The following RIMBP2 variants were observed in gnomAD, a reference collection of about 807,000 sequenced individuals.
The protein encoded by RIMBP2 is RIMS binding protein 2.
A neutral mutation model predicts 118.6 loss-of-function variants in RIMBP2; 48 were observed. The observed-to-expected ratio is 0.40, with a 90% CI of 0.32 to 0.51. The LOEUF is 0.51. Ranked by LOEUF, RIMBP2 falls within the 20% of genes least tolerant of loss-of-function variation. The pLI, the probability that RIMBP2 is intolerant of heterozygous loss-of-function variation, is 0.41. For missense variants in RIMBP2, 1,551 were observed against 1,768.3 expected (o/e 0.88, Z 2.20); for synonymous variants, 762 against 742.9 (o/e 1.03, Z -0.42).
intron 1 of RIMBP2, among the ~76,000 whole-genome samples, chr12:130,685,693 G>T (rs537019033): frequency 6.6e-6 from 1 of 152,204 alleles, no homozygotes; most frequent in Non-Finnish European, 1.5e-5. Context: ...AAGAGATCCC[G>T]CGACTCTTTA....
chr12:130,646,816 G>A (rs1199703029), intron 1 of RIMBP2, among the ~76,000 whole-genome samples: 1 of 152,202 alleles, frequency 6.6e-6, no homozygotes, highest in East Asian at 1.9e-4. Context: ...CCTGAACCAG[G>A]GCTGAGAACC....
intron 2 of RIMBP2, among the ~76,000 whole-genome samples, chr12:130,609,291 A>C (rs182838036): frequency 6.6e-6 from 1 of 152,178 alleles, no homozygotes; most frequent in Non-Finnish European, 1.5e-5. Context: ...TGTGGAATCA[A>C]CCTAAGTGTC....
At chr12:130,522,345 G>A (rs1041778763) in intron 2 of RIMBP2, among the ~76,000 whole-genome samples, 10 of 152,214 alleles carry the variant, frequency 6.6e-5, no homozygotes, top group African/African-American at 2.4e-4. Context: ...CAGGGCCAGA[G>A]GTGCTAGAGG....
chr12:130,480,080 G>A (rs540455904), intron 4 of RIMBP2, among the ~76,000 whole-genome samples: 118 of 151,950 alleles, frequency 7.8e-4, no homozygotes, highest in Non-Finnish European at 1.3e-3. Flanking sequence ...CACAGCGGGC[G>A]GGTGGGTAGT....
intron 4 of RIMBP2, among the ~76,000 whole-genome samples, chr12:130,504,903 C>G (rs1171191599): frequency 6.6e-6 from 1 of 152,218 alleles, no homozygotes; most frequent in African/African-American, 2.4e-5. Flanking sequence ...CCAAATATCC[C>G]CTGGAGGGCA....
intron 1 of RIMBP2, among the ~76,000 whole-genome samples, chr12:130,671,097 A>C (rs1249768508): frequency 6.6e-6 from 1 of 152,164 alleles, no homozygotes; most frequent in Non-Finnish European, 1.5e-5. Flanking sequence ...AGAAAAGTAG[A>C]AGGGGCTAGA....
intron 1 of RIMBP2, among the ~76,000 whole-genome samples, chr12:130,692,662 T>G (rs971161217): frequency 2.6e-5 from 4 of 152,064 alleles, no homozygotes; most frequent in African/African-American, 9.7e-5. Flanking sequence ...CATTGGATTG[T>G]GGAATCAATT....
At chr12:130,496,511 G>A (rs977757043) in intron 4 of RIMBP2, among the ~76,000 whole-genome samples, 1 of 152,256 alleles carries the variant, frequency 6.6e-6, no homozygotes, top group Admixed American at 6.5e-5. Context: ...CTGGGGTAGA[G>A]GAGGCTGCGA....
chr12:130,547,415 C>T (rs189795975), intron 2 of RIMBP2, among the ~76,000 whole-genome samples: 4 of 152,294 alleles, frequency 2.6e-5, no homozygotes, highest in East Asian at 1.9e-4. Flanking sequence ...ACACAGAGCC[C>T]GAAGGCAGCC....
intron 2 of RIMBP2, among the ~76,000 whole-genome samples, chr12:130,586,701 G>A (rs1234968635): frequency 1.5e-4 from 20 of 129,620 alleles, no homozygotes; most frequent in Middle Eastern, 3.5e-3. Context: ...AGATTTAAAC[G>A]TTAGACCTAA....
chr12:130,636,883 A>G (rs935359202), intron 1 of RIMBP2, among the ~76,000 whole-genome samples: 1 of 152,218 alleles, frequency 6.6e-6, no homozygotes, highest in Non-Finnish European at 1.5e-5. Context: ...GACTAAGTCA[A>G]TATAATTAGG....
At chr12:130,407,146 G>T (rs2075254225) in intron 20 of RIMBP2, among the ~76,000 whole-genome samples, 1 of 152,232 alleles carries the variant, frequency 6.6e-6, no homozygotes, top group African/African-American at 2.4e-5. Flanking sequence ...AGGGAATATA[G>T]TTGGTGAGCC....
intron 2 of RIMBP2, among the ~76,000 whole-genome samples, chr12:130,591,012 T>C (rs2059223028): frequency 6.6e-6 from 1 of 152,222 alleles, no homozygotes; most frequent in Non-Finnish European, 1.5e-5. Context: ...CACTTGGACT[T>C]CAAGAGAAGG....
chr12:130,619,369 C>T (rs6486559), intron 2 of RIMBP2, among the ~76,000 whole-genome samples: 47,972 of 152,122 alleles, frequency 0.32, 7,761 homozygotes, highest in Middle Eastern at 0.44. Flanking sequence ...GCTTTCATTC[C>T]CTCACCTCTT....
intron 2 of RIMBP2, among the ~76,000 whole-genome samples, chr12:130,611,405 C>T (rs2060539670): frequency 6.6e-6 from 1 of 152,188 alleles, no homozygotes; most frequent in Non-Finnish European, 1.5e-5. Flanking sequence ...ATATTGGGGG[C>T]CCTTTTGTCT....
At chr12:130,412,336 C>G (rs996998200) in intron 19 of RIMBP2, among the ~76,000 whole-genome samples, 36 of 152,202 alleles carry the variant, frequency 2.4e-4, no homozygotes, top group Middle Eastern at 3.4e-3. Context: ...TTTCTAGATG[C>G]GATAAATTGT....
intron 3 of RIMBP2, among the ~76,000 whole-genome samples, chr12:130,510,910 G>A (rs543261778): frequency 2.0e-5 from 3 of 152,280 alleles, no homozygotes; most frequent in African/African-American, 7.2e-5. Context: ...GGAGGAGAGG[G>A]TGTGTGGACA....
intron 2 of RIMBP2, among the ~76,000 whole-genome samples, chr12:130,580,695 T>C (rs913461793): frequency 1.2e-4 from 18 of 152,192 alleles, no homozygotes; most frequent in African/African-American, 3.9e-4. Flanking sequence ...ATCTCAACAC[T>C]TTGAGAGGCT....
chr12:130,480,070 C>A (rs1292676711), intron 4 of RIMBP2, among the ~76,000 whole-genome samples: 3 of 151,816 alleles, frequency 2.0e-5, no homozygotes, highest in Non-Finnish European at 4.4e-5. Flanking sequence ...TAGAAATGGC[C>A]ACAGCGGGCG....
Sources: gnomAD v4.1 joint callset for allele counts (sites outside exome capture counted in the v4.1 genomes callset) on GRCh38, gnomAD v4.1.1 for gene constraint, MANE v1.5 for transcripts, NCBI Gene and HGNC (gene_info 2026-07-23, HGNC 2026-07-21) for gene names.